Variants in DLGAP1 observed in about 807,000 individuals in gnomAD.
DLGAP1 encodes DLG associated protein 1, also known as disks large-associated protein 1.
DLGAP1 carries 11 observed loss-of-function variants against 90.8 expected under a neutral mutation model. The ratio of observed to expected loss-of-function variants is 0.12; its 90% confidence interval spans 0.08 to 0.20. DLGAP1 has a LOEUF of 0.20. Ranked by LOEUF, DLGAP1 falls within the 10% of genes least tolerant of loss-of-function variation. The pLI, the probability that DLGAP1 is intolerant of heterozygous loss-of-function variation, is 1.00. For synonymous variants in DLGAP1, 558 were observed against 540.7 expected, an observed-to-expected ratio of 1.03 and a Z score of -0.44; for missense variants, 1,050 against 1,333.8, an observed-to-expected ratio of 0.79 and a Z score of 3.31.
intron 4 of DLGAP1, chr18:3,874,111 C>A: frequency 6.5e-7 from 1 of 1,549,164 alleles, no homozygotes; most frequent in Non-Finnish European, 8.7e-7. Context: ...ATCAACACCA[C>A]ACTATTACCA....
chr18:3,794,935 C>A (rs529694259), intron 5 of DLGAP1, among the ~76,000 whole-genome samples: 2 of 152,214 alleles, frequency 1.3e-5, no homozygotes, highest in African/African-American at 4.8e-5. Flanking sequence ...CACTGCGAAG[C>A]CTTAGGCATT....
At chr18:3,947,335 T>C (rs2072896844) in intron 3 of DLGAP1, among the ~76,000 whole-genome samples, 1 of 152,254 alleles carries the variant, frequency 6.6e-6, no homozygotes, top group Non-Finnish European at 1.5e-5. Flanking sequence ...ATCATGGTGC[T>C]GACACTAGGC....
intron 8 of DLGAP1, among the ~76,000 whole-genome samples, chr18:3,579,001 G>A (rs2055328944): frequency 6.6e-6 from 1 of 151,996 alleles, no homozygotes; most frequent in Non-Finnish European, 1.5e-5. Context: ...CTCCCCAATG[G>A]TATACGTGGA....
At chr18:3,843,102 C>T (rs997594448) in intron 4 of DLGAP1, among the ~76,000 whole-genome samples, 5 of 152,186 alleles carry the variant, frequency 3.3e-5, no homozygotes, top group African/African-American at 1.2e-4. Flanking sequence ...CTGGTACCTG[C>T]TCTGTGGCCT....
intron 7 of DLGAP1, among the ~76,000 whole-genome samples, chr18:3,705,652 AATT>A (rs548386180): frequency 5.3e-5 from 8 of 149,750 alleles, no homozygotes; most frequent in Middle Eastern, 3.5e-3. Context: ...TAATAATAGT[AATT>A]ATTATTATTA....
intron 4 of DLGAP1, among the ~76,000 whole-genome samples, chr18:3,831,868 A>C (rs2148561604): frequency 6.6e-6 from 1 of 152,350 alleles, no homozygotes; most frequent in South Asian, 2.1e-4. Context: ...TACTGTGTAT[A>C]GGAGGGACTC....
intron 2 of DLGAP1, among the ~76,000 whole-genome samples, chr18:4,052,804 T>A (rs987867776): frequency 1.5e-4 from 23 of 152,128 alleles, no homozygotes; most frequent in Admixed American, 2.6e-4. Flanking sequence ...TCCCCAGATA[T>A]CCCATATCAT....
At chr18:3,601,820 G>A (rs1450757457) in intron 7 of DLGAP1, among the ~76,000 whole-genome samples, 1 of 145,502 alleles carries the variant, frequency 6.9e-6, no homozygotes, top group Non-Finnish European at 1.5e-5. Context: ...ACTCCAGCCT[G>A]GGTGACAGAG....
intron 1 of DLGAP1, among the ~76,000 whole-genome samples, chr18:4,174,845 G>A (rs1319343730): frequency 6.6e-6 from 1 of 152,142 alleles, no homozygotes; most frequent in Non-Finnish European, 1.5e-5. Flanking sequence ...TCTCACTTAT[G>A]AGTAAGAACA....
intron 1 of DLGAP1, among the ~76,000 whole-genome samples, chr18:4,329,792 T>C (rs897985991): frequency 6.6e-6 from 1 of 152,064 alleles, no homozygotes; most frequent in African/African-American, 2.4e-5. Context: ...GGTGTTAGTA[T>C]AGAGAAATGC....
intron 2 of DLGAP1, among the ~76,000 whole-genome samples, chr18:4,016,241 G>A (rs1006684149): frequency 6.6e-6 from 1 of 152,214 alleles, no homozygotes; most frequent in Non-Finnish European, 1.5e-5. Flanking sequence ...GGTCTTCAGA[G>A]TTGTTCATTT....
chr18:3,972,236 G>C (rs932282250), intron 3 of DLGAP1, among the ~76,000 whole-genome samples: 2 of 152,092 alleles, frequency 1.3e-5, no homozygotes, highest in Non-Finnish European at 2.9e-5. Flanking sequence ...ACTAGGCCGG[G>C]CATGGTGGCT....
chr18:4,028,696 C>G (rs935273145), intron 2 of DLGAP1, among the ~76,000 whole-genome samples: 2 of 152,172 alleles, frequency 1.3e-5, no homozygotes, highest in African/African-American at 4.8e-5. Context: ...CCTCACTGAT[C>G]AGTTTCAGGA....
At chr18:4,128,734 T>C (rs954284848) in intron 2 of DLGAP1, among the ~76,000 whole-genome samples, 6 of 152,162 alleles carry the variant, frequency 3.9e-5, no homozygotes, top group African/African-American at 9.7e-5. Flanking sequence ...CCTCCAAGGC[T>C]GGACCACATT....
intron 1 of DLGAP1, among the ~76,000 whole-genome samples, chr18:4,386,536 T>C (rs925994561): frequency 6.6e-6 from 1 of 152,202 alleles, no homozygotes; most frequent in African/African-American, 2.4e-5. Context: ...ATGACAGTGA[T>C]GTAACAGTTT....
At chr18:3,571,590 C>G (rs551902) in intron 8 of DLGAP1, 73,791 of 151,860 alleles carry the variant, frequency 0.49, 19,058 homozygotes, top group East Asian at 0.99. Context: ...TGCAGTGGCG[C>G]AGTCTCGGCT....
chr18:4,082,443 A>T (rs2075622789), intron 2 of DLGAP1, among the ~76,000 whole-genome samples: 1 of 139,022 alleles, frequency 7.2e-6, no homozygotes, highest in South Asian at 2.5e-4. Context: ...CCTGGGAGGC[A>T]GAGGTTGCAG....
chr18:4,053,461 A>C (rs2075165890), intron 2 of DLGAP1, among the ~76,000 whole-genome samples: 1 of 152,230 alleles, frequency 6.6e-6, no homozygotes, highest in African/African-American at 2.4e-5. Context: ...ATGACATGTG[A>C]AGATTATGGG....
chr18:3,853,817 C>T (rs28512285), intron 4 of DLGAP1, among the ~76,000 whole-genome samples: 49,035 of 151,882 alleles, frequency 0.32, 8,377 homozygotes, highest in African/African-American at 0.44. Context: ...CACACTCAAC[C>T]TGCACTCGTA....
Sources: allele counts gnomAD v4.1 joint callset (sites outside exome capture counted in the v4.1 genomes callset), GRCh38; gene constraint gnomAD v4.1.1; transcripts MANE v1.5; gene names NCBI Gene and HGNC (gene_info 2026-07-23, HGNC 2026-07-21).